The following CYP4X1 variants were observed in gnomAD, a reference collection of about 807,000 sequenced individuals.
CYP4X1 encodes the protein cytochrome P450 family 4 subfamily X member 1, also known as cytochrome P450 4X1.
CYP4X1 carries 44 observed loss-of-function variants against 57.9 expected under a neutral mutation model. The ratio of observed to expected loss-of-function variants is 0.76; its 90% CI spans 0.60 to 0.98. The LOEUF is 0.98. Among genes scored for constraint, CYP4X1 ranks in the 50% least tolerant of loss-of-function variants. CYP4X1 has a pLI of 0.00. For missense variants in CYP4X1, 532 were observed against 623.9 expected (o/e 0.85, Z 1.57); for synonymous variants, 227 against 228.6 (o/e 0.99, Z 0.06).
At chr1:46,993,093 C>T in the CYP4X1 span, among the ~76,000 whole-genome samples, 21 of 124,038 alleles carry the variant, frequency 1.7e-4, no homozygotes, top group Non-Finnish European at 3.3e-5. Flanking sequence ...TCCCCCCACC[C>T]CACAACAGGT....
At chr1:46,969,752 A>G in the CYP4X1 span, among the ~76,000 whole-genome samples, 2 of 152,188 alleles carry the variant, frequency 1.3e-5, no homozygotes, top group Non-Finnish European at 2.9e-5. Context: ...GCTATGTAGC[A>G]TATCCTAAAA....
the CYP4X1 span, among the ~76,000 whole-genome samples, chr1:46,965,204 C>T: frequency 1.3e-5 from 2 of 152,228 alleles, no homozygotes; most frequent in Admixed American, 6.5e-5. Flanking sequence ...GGCGATGCCT[C>T]GCCCTGAATT....
rs557558306 is a variant in CYP4X1 at position 47,043,964 on chromosome 1, G to A, written c.1074-2503G>A. The stretch of plus-strand genomic sequence containing the variant: ...ATGGAATATTTTTTTCCAACCCTTC[G>A]CATTCACTCTATGTGTGTTCTTAAA... On this transcript the variant is annotated intron_variant, in intron 8 of 11. Transcript: ENST00000371901. Among the ~76,000 whole-genome samples the A allele has an allele frequency of 1.1e-4, 17 of 151,980 alleles. No individual in the cohort carries two copies. In the South Asian group the frequency reaches 3.1e-3, roughly 28 times the overall value.
At chr1:46,976,688 C>G in the CYP4X1 span, among the ~76,000 whole-genome samples, 1 of 152,164 alleles carries the variant, frequency 6.6e-6, no homozygotes, top group African/African-American at 2.4e-5. Context: ...TGGGAGACAT[C>G]TCCCACTAGG....
At chr1:47,051,808 G>GT (rs60883706), downstream of CYP4X1, among the ~76,000 whole-genome samples, 4 of 152,074 alleles carry the variant, frequency 2.6e-5, no homozygotes, top group East Asian at 1.9e-4. Flanking sequence ...ATATTTCCTT[G>GT]TTTTTTTCTG....
At chr1:47,052,504 C>T (rs1374133707), downstream of CYP4X1, among the ~76,000 whole-genome samples, 1 of 152,062 alleles carries the variant, frequency 6.6e-6, no homozygotes, top group Non-Finnish European at 1.5e-5. Flanking sequence ...GTAGGGGAAG[C>T]ATATATTCCC....
At chr1:46,998,029 A>G in the CYP4X1 span, among the ~76,000 whole-genome samples, 1 of 152,022 alleles carries the variant, frequency 6.6e-6, no homozygotes, top group Non-Finnish European at 1.5e-5. Context: ...TTCTTTGTCC[A>G]TTTATCATTT....
the CYP4X1 span, among the ~76,000 whole-genome samples, chr1:47,016,291 C>T: frequency 0.38 from 57,857 of 151,046 alleles, 12,374 homozygotes; most frequent in East Asian, 0.72. Context: ...ATAAGCTGAA[C>T]ATGCAAAGAG....
the CYP4X1 span, among the ~76,000 whole-genome samples, chr1:46,980,378 T>G: frequency 6.6e-6 from 1 of 152,108 alleles, no homozygotes. Context: ...CCATTCACAA[T>G]TGCTACAAAG....
At chr1:47,013,334 T>C in the CYP4X1 span, among the ~76,000 whole-genome samples, 1 of 152,224 alleles carries the variant, frequency 6.6e-6, no homozygotes, top group Non-Finnish European at 1.5e-5. Context: ...GAGCCACATA[T>C]GACCAAGGTC....
chr1:46,995,686 G>A, the CYP4X1 span, among the ~76,000 whole-genome samples: 1 of 152,150 alleles, frequency 6.6e-6, no homozygotes, highest in African/African-American at 2.4e-5. Flanking sequence ...CCCACCTTAA[G>A]TCTTACTCCC....
At chr1:46,980,569 G>T in the CYP4X1 span, among the ~76,000 whole-genome samples, 1 of 152,184 alleles carries the variant, frequency 6.6e-6, no homozygotes, top group Non-Finnish European at 1.5e-5. Flanking sequence ...GTAATTTATA[G>T]ATTCAATGCC....
chr1:47,037,469 A>G (rs1173702424), intron 6 of CYP4X1, among the ~76,000 whole-genome samples: 5 of 151,954 alleles, frequency 3.3e-5, no homozygotes, highest in African/African-American at 4.8e-5. Context: ...TATTTAGTCA[A>G]ATATATCAAT....
intron 8 of CYP4X1, among the ~76,000 whole-genome samples, chr1:47,040,901 CCTGT>C (rs1644239365): frequency 6.6e-6 from 1 of 151,812 alleles, no homozygotes; most frequent in Admixed American, 6.6e-5. Flanking sequence ...ACTTATGCCT[CCTGT>C]CTGACTGAAA....
chr1:46,984,467 T>G, the CYP4X1 span, among the ~76,000 whole-genome samples: 6 of 150,758 alleles, frequency 4.0e-5, no homozygotes, highest in Non-Finnish European at 5.9e-5. Context: ...GGGAGATCAA[T>G]GCAGAATGTG....
chr1:47,030,338 C>T (rs956194247), intron 2 of CYP4X1, among the ~76,000 whole-genome samples: 3 of 152,130 alleles, frequency 2.0e-5, no homozygotes, highest in Non-Finnish European at 2.9e-5. Context: ...TGCATGGGCA[C>T]GTTGAAGTCG....
At chr1:47,022,889 A>C (rs1276450692), upstream of CYP4X1, among the ~76,000 whole-genome samples, 1 of 152,208 alleles carries the variant, frequency 6.6e-6, no homozygotes, top group African/African-American at 2.4e-5. Context: ...CAGCTTGGGA[A>C]GTCAGGCTTG....
At chr1:47,036,975 A>G (rs139590709) in intron 6 of CYP4X1, among the ~76,000 whole-genome samples, 110 of 152,322 alleles carry the variant, frequency 7.2e-4, no homozygotes, top group Non-Finnish European at 1.2e-3. Context: ...ATACATGCAC[A>G]TAGATATTAT....
Position 47,036,178 on chromosome 1 carries a change from G to C in CYP4X1, c.775+7G>C, listed in dbSNP as rs936428935. The stretch of plus-strand genomic sequence containing the variant: ...GTGTTGAATCAGTACACAGGTATTT[G>C]TTGGGTTTGGGTTGCCCACGTCCAT... On this transcript the variant is annotated splice_region_variant and intron_variant, in intron 6 of 11. Coordinates refer to ENST00000371901, the MANE Select transcript of CYP4X1 (RefSeq NM_178033.2). 3 of 1,604,000 alleles carry C rather than the reference G, an allele frequency of 1.9e-6. No homozygotes were observed. In the African/African-American group the frequency reaches 4.0e-5, roughly 21 times the overall value.
Sources: gnomAD v4.1 joint callset for allele counts (sites outside exome capture counted in the v4.1 genomes callset) on GRCh38, gnomAD v4.1.1 for gene constraint, MANE v1.5 for transcripts, NCBI Gene and HGNC (gene_info 2026-07-23, HGNC 2026-07-21) for gene names.